ITPA: variants seen among roughly 807,000 people sequenced by gnomAD.
ITPA encodes inosine triphosphate pyrophosphatase.
ITPA carries 29 observed loss-of-function variants against 29.6 expected under a neutral mutation model. The observed-to-expected ratio is 0.98, with a 90% confidence interval of 0.73 to 1.34. ITPA has a LOEUF of 1.34. ITPA is among the 40% of genes most tolerant of loss of function. The probability of loss-of-function intolerance (pLI) is 0.00; values close to 1 mark genes in which losing one functional copy is unlikely to be tolerated. For synonymous variants in ITPA, 103 were observed against 99.3 expected, an observed-to-expected ratio of 1.04 and a Z score of -0.22; for missense variants, 241 against 251.5, an observed-to-expected ratio of 0.96 and a Z score of 0.28.
intron 1 of ITPA, 152 bp from the exon 2 acceptor site, chr20:3,213,017 C>G: frequency 1.3e-6 from 1 of 771,748 alleles, no homozygotes; most frequent in Non-Finnish European, 2.3e-6. Flanking sequence ...TGGGGTGGGA[C>G]CCTGAAAGCC....
chr20:3,221,598 C>A (rs879800384), intron 6 of ITPA, among the ~76,000 whole-genome samples: 5 of 152,222 alleles, frequency 3.3e-5, no homozygotes, highest in Non-Finnish European at 7.3e-5. Context: ...CGCGTGGCCC[C>A]GGAGGTGCTG....
chr20:3,225,205 TA>T (rs1024516762), downstream of ITPA, among the ~76,000 whole-genome samples: 2 of 151,826 alleles, frequency 1.3e-5, no homozygotes, highest in Admixed American at 1.3e-4. Context: ...CCTGTCTCAT[TA>T]AAAAAAACAT....
chr20:3,209,754 C>A lies in ITPA; in HGVS notation c.66+137C>A. On this transcript the variant is annotated intron_variant, in intron 1 of 7. Coordinates refer to ENST00000380113, the MANE Select transcript of ITPA (RefSeq NM_033453.4). This position sits in a 1 kb window ranked among gnomAD's most constrained non-coding sequence, Gnocchi z 4.6. Reference sequence around the variant, plus strand: ...CAGCCCGGAAGAATGGGTCCTGACCCGGCTGTGTGGAAAAGCTGGGGCGCA... The same window carrying A: ...CAGCCCGGAAGAATGGGTCCTGACCAGGCTGTGTGGAAAAGCTGGGGCGCA... 2 of 721,020 alleles carry A rather than the reference C, an allele frequency of 2.8e-6. No homozygotes were observed. Among genetic ancestry groups the A allele is most frequent in the Non-Finnish European group, 2.3e-6 (1 of 437,906 alleles). The allele number at this position is 721,020 out of a possible 1,614,324, so 44.7% of individuals were successfully genotyped here.
intron 5 of ITPA, among the ~76,000 whole-genome samples, chr20:3,216,958 G>C (rs1313080648): frequency 6.6e-6 from 1 of 151,202 alleles, no homozygotes; most frequent in Non-Finnish European, 1.5e-5. Flanking sequence ...TTGGCTCACT[G>C]CAACCTCTGC....
chr20:3,226,794 C>T (rs995396589), downstream of ITPA, among the ~76,000 whole-genome samples: 8 of 152,162 alleles, frequency 5.3e-5, no homozygotes, highest in Non-Finnish European at 8.8e-5. The surrounding 1 kb of genome is among the most constrained non-coding windows in gnomAD (Gnocchi z 4.4). Context: ...ACTGATGCTG[C>T]GCACCCGGCA....
intron 7 of ITPA, among the ~76,000 whole-genome samples, chr20:3,223,110 C>T (rs991464011): frequency 1.3e-5 from 2 of 152,212 alleles, no homozygotes; most frequent in South Asian, 2.1e-4. Context: ...CCCAGCTTCC[C>T]TTAATGACTT....
At chr20:3,204,493 A>G, upstream of ITPA, 7 of 1,531,350 alleles carry the variant, frequency 4.6e-6, no homozygotes, top group Non-Finnish European at 5.3e-6. Context: ...TCAGAAGGCC[A>G]GAAAACCCGG....
chr20:3,204,398 C>A, upstream of ITPA: 1 of 836,850 alleles, frequency 1.2e-6, no homozygotes, highest in Non-Finnish European at 1.8e-6. Context: ...CCCCACCCGG[C>A]ACACGACTAG....
At chr20:3,214,633 G>A (rs2067252027) in intron 4 of ITPA, among the ~76,000 whole-genome samples, 1 of 151,814 alleles carries the variant, frequency 6.6e-6, no homozygotes, top group Non-Finnish European at 1.5e-5. Context: ...AGGCTGGAGT[G>A]CAGTGGCGCG....
chr20:3,218,755 G>T (rs1600524290), intron 6 of ITPA, 123 bp downstream of exon 6: 1 of 735,370 alleles, frequency 1.4e-6, no homozygotes, highest in Non-Finnish European at 2.4e-6. Flanking sequence ...AGATATCTGT[G>T]CCTTGCTGAG....
upstream of ITPA, chr20:3,204,618 G>A: frequency 6.3e-7 from 1 of 1,587,282 alleles, no homozygotes. Context: ...TACCACACAG[G>A]CGCCACCATG....
At chr20:3,207,995 CAAAAA>C (rs71195826), upstream of ITPA, among the ~76,000 whole-genome samples, 3 of 116,452 alleles carry the variant, frequency 2.6e-5, no homozygotes, top group Non-Finnish European at 3.5e-5. Flanking sequence ...GACTCCGTCT[CAAAAA>C]AAAAAAAAAA....
chr20:3,215,419 C>A (rs1486124421), intron 5 of ITPA, 107 bp downstream of exon 5: 2 of 969,568 alleles, frequency 2.1e-6, no homozygotes, highest in Non-Finnish European at 3.3e-6. Flanking sequence ...TTCTAGCCCC[C>A]ACCATGGAGC....
intron 7 of ITPA, among the ~76,000 whole-genome samples, chr20:3,223,097 G>A (rs1356141013): frequency 6.6e-6 from 1 of 151,044 alleles, no homozygotes; most frequent in African/African-American, 2.4e-5. Flanking sequence ...ATCCCCCCCT[G>A]TCCCCAGCTT....
At chr20:3,206,009 T>C (rs1379914093), upstream of ITPA, among the ~76,000 whole-genome samples, 1 of 145,012 alleles carries the variant, frequency 6.9e-6, no homozygotes, top group African/African-American at 2.6e-5. Context: ...TGAGCCAAGA[T>C]TGCACCACTG....
In ITPA at chr20:3,221,780, G is replaced by A; in HGVS notation, c.412-61G>A. ...ACTCACCAAACTCATACTGGCCACT[G>A]CCCTCCTCGTGCTTGTCCTCTGGAC... On this transcript the variant is annotated intron_variant, in intron 6 of 7. Transcript: ENST00000380113. 3 of 1,482,536 alleles carry A rather than the reference G, an allele frequency of 2.0e-6. No individual in the cohort carries two copies. In the South Asian group the frequency reaches 3.4e-5, roughly 17 times the overall value. The allele number at this position is 1,482,536 out of a possible 1,614,324, so 91.8% of individuals were successfully genotyped here.
chr20:3,225,891 T>G (rs2067549215), downstream of ITPA, among the ~76,000 whole-genome samples: 2 of 152,084 alleles, frequency 1.3e-5, no homozygotes, highest in African/African-American at 4.8e-5. Context: ...TAGCCAGGCA[T>G]AGTGGCAGGC....
At chr20:3,208,468 C>T (rs1425302854), upstream of ITPA, among the ~76,000 whole-genome samples, 1 of 152,164 alleles carries the variant, frequency 6.6e-6, no homozygotes, top group Admixed American at 6.5e-5. Context: ...CCCCACCTCC[C>T]GAATTCAGGC....
At chr20:3,214,120 T>C in intron 4 of ITPA, 62 bp downstream of exon 4, 1 of 1,400,852 alleles carries the variant, frequency 7.1e-7, no homozygotes, top group South Asian at 1.2e-5. Flanking sequence ...AACTGCAAAA[T>C]GATGAGGTAC....
Sources: allele counts gnomAD v4.1 joint callset (sites outside exome capture counted in the v4.1 genomes callset), GRCh38; gene constraint gnomAD v4.1.1; non-coding constraint Gnocchi (gnomAD v3.1); transcripts MANE v1.5; gene names NCBI Gene and HGNC (gene_info 2026-07-23, HGNC 2026-07-21).